Variants in OSBPL3 observed in about 807,000 individuals in gnomAD.
OSBPL3 encodes oxysterol binding protein like 3, also known as oxysterol-binding protein-related protein 3.
Under a neutral mutation model 120.1 loss-of-function variants are expected in OSBPL3, and 65 were observed. The observed-to-expected ratio is 0.54, with a 90% CI of 0.44 to 0.67. The LOEUF is 0.67. OSBPL3 is among the 30% of genes least tolerant of loss of function. The pLI is 0.00. For missense variants in OSBPL3, 1,004 were observed against 1,082.1 expected, an observed-to-expected ratio of 0.93 and a Z score of 1.01; for synonymous variants, 416 against 402.6, an observed-to-expected ratio of 1.03 and a Z score of -0.40.
At chr7:24,958,809 T>C (rs1815378015) in intron 1 of OSBPL3, among the ~76,000 whole-genome samples, 1 of 152,214 alleles carries the variant, frequency 6.6e-6, no homozygotes, top group Admixed American at 6.5e-5. Context: ...ACCAATATTG[T>C]AAATCTAGTG....
At position 24,891,357 on chromosome 7, in the gene OSBPL3, C is replaced by CA. The variant is rs1275846303; in HGVS notation, c.96+1019dup. Among the ~76,000 whole-genome samples, 1 of 152,122 alleles carries CA rather than the reference C, an allele frequency of 6.6e-6. No individual in the cohort carries two copies. The highest frequency in any genetic ancestry group is 6.5e-5 in the Admixed American group (1 of 15,278). On this transcript the variant is annotated intron_variant, in intron 2 of 22. Coordinates refer to ENST00000313367, the MANE Select transcript of OSBPL3 (RefSeq NM_015550.4). The surrounding 1 kb of genome is among the most constrained non-coding windows in gnomAD (Gnocchi z 4.1). ...CCTGGAATCACAGATTCATGGGTGG[C>CA]AAAGCTCCTTATCCCAGGCAACGCT... is the stretch of plus-strand genomic sequence containing the variant.
rs149411328 is a variant in OSBPL3, at chr7:24,901,536, C to T, written c.-149-8915G>A. ...ACCCATGCACCAGGCTCTTGCCAAA[C>T]ATTATAACTTTGAACTATGTACTGT... On this transcript the variant is annotated intron_variant, in intron 1 of 22. Coordinates refer to ENST00000313367, the MANE Select transcript of OSBPL3 (RefSeq NM_015550.4). Among the ~76,000 whole-genome samples, 469 of 152,324 alleles carry T rather than the reference C, an allele frequency of 3.1e-3. 1 individual carries two copies. The Middle Eastern group carries it at 0.041, about 13-fold the overall frequency.
intron 12 of OSBPL3, among the ~76,000 whole-genome samples, chr7:24,845,384 T>TAAAAAAAAAAAAAAAAAA (rs34559902): frequency 1.6e-4 from 10 of 62,262 alleles, no homozygotes; most frequent in African/African-American, 2.6e-4. Flanking sequence ...GCAAAATAAG[T>TAAAAAAAAAAAAAAAAAA]AAAAAAAAAA....
At chr7:24,812,425 A>G (rs1040740341) in intron 19 of OSBPL3, among the ~76,000 whole-genome samples, 6 of 151,718 alleles carry the variant, frequency 4.0e-5, no homozygotes, top group African/African-American at 1.5e-4. Flanking sequence ...GCAACCTTGC[A>G]CTCTATTCTG....
intron 2 of OSBPL3, among the ~76,000 whole-genome samples, chr7:24,890,572 C>T (rs141425012): frequency 1.5e-4 from 23 of 152,242 alleles, no homozygotes; most frequent in Admixed American, 5.9e-4. Context: ...AGAAAGCAGA[C>T]GGACCAAGAA....
rs759145659 is a variant in OSBPL3 at position 24,933,068 on chromosome 7, T to C, written c.-149-40447A>G. Among the ~76,000 whole-genome samples the C allele has an allele frequency of 2.0e-5, 3 of 152,154 alleles. No individual in the cohort carries two copies. The highest frequency in any genetic ancestry group is 2.9e-5 in the Non-Finnish European group (2 of 68,026). On this transcript the variant is annotated intron_variant, in intron 1 of 22. Transcript: ENST00000313367. This position sits in a 1 kb window ranked among gnomAD's most constrained non-coding sequence, Gnocchi z 5.1. ...AGAATGGAAGGGCTGCTGCCCAAAA[T>C]AGTTTAATAAGGCCAGCAGTGATTC...
chr7:24,890,390 T>C (rs1805167144), intron 2 of OSBPL3, among the ~76,000 whole-genome samples: 1 of 152,184 alleles, frequency 6.6e-6, no homozygotes, highest in African/African-American at 2.4e-5. Context: ...GGCTGTGCCC[T>C]AAGTGAGGAA....
intron 1 of OSBPL3, among the ~76,000 whole-genome samples, chr7:24,901,365 G>A (rs1044671795): frequency 1.4e-5 from 2 of 144,344 alleles, no homozygotes; most frequent in African/African-American, 2.5e-5. Flanking sequence ...AAAAAAAAAA[G>A]AGAGAGAGAG....
At chr7:24,951,763 G>C (rs1292871361) in intron 1 of OSBPL3, among the ~76,000 whole-genome samples, 1 of 152,288 alleles carries the variant, frequency 6.6e-6, no homozygotes, top group African/African-American at 2.4e-5. Flanking sequence ...GATCCTCATA[G>C]CTTGCAAGAA....
At chr7:24,842,139 T>A in intron 13 of OSBPL3, 140 bp downstream of exon 13, 1 of 833,158 alleles carries the variant, frequency 1.2e-6, no homozygotes, top group Non-Finnish European at 1.9e-6. Context: ...GTATGAGTTA[T>A]GGGAGAACTC....
At chr7:24,905,775 A>C (rs1344207990) in intron 1 of OSBPL3, among the ~76,000 whole-genome samples, 1 of 152,226 alleles carries the variant, frequency 6.6e-6, no homozygotes, top group African/African-American at 2.4e-5. Context: ...TCAGGCCTGT[A>C]ATCTCAGCAC....
chr7:24,892,287 G>A lies in OSBPL3; in HGVS notation c.96+90C>T, dbSNP rs538821954. 3.8e-5 allele frequency: 50 copies of A among 1,315,750 alleles called. No individual in the cohort carries two copies. In the East Asian group the frequency reaches 1.2e-3, roughly 31 times the overall value. 81.5% of individuals were successfully genotyped at this position (1,315,750 alleles called of 1,614,324 possible). Reference sequence around the variant, plus strand: ...AAAGTAAATGCTCTTAAACTGAGAAGTAGGCTTTCCCAAGTAAATGTGTGC... The same window carrying A: ...AAAGTAAATGCTCTTAAACTGAGAAATAGGCTTTCCCAAGTAAATGTGTGC... On this transcript the variant is annotated intron_variant, in intron 2 of 22. Transcript: ENST00000313367.
In OSBPL3 at chr7:24,980,129, G is replaced by T; in HGVS notation, c.-393C>A. 1 of 823,440 alleles carries T rather than the reference G, an allele frequency of 1.2e-6. No homozygotes were observed. Among genetic ancestry groups the T allele is most frequent in the Non-Finnish European group, 1.5e-6 (1 of 682,040 alleles). The allele number at this position is 823,440 out of a possible 1,614,324, so 51.0% of individuals were successfully genotyped here. Reference sequence around the variant, plus strand: ...AGTCCCCTCTCCCGGGCCGGCTGGCGGGCGCCACCAGCACGCGGCCAGTTC... The same window carrying T: ...AGTCCCCTCTCCCGGGCCGGCTGGCTGGCGCCACCAGCACGCGGCCAGTTC... On this transcript the variant is annotated 5_prime_UTR_variant, in exon 1 of 23. Coordinates refer to ENST00000313367, the MANE Select transcript of OSBPL3 (RefSeq NM_015550.4).
At position 24,918,177 on chromosome 7, in the gene OSBPL3, G is replaced by C. The variant is rs1377340703; in HGVS notation, c.-149-25556C>G. On this transcript the variant is annotated intron_variant, in intron 1 of 22. Coordinates refer to ENST00000313367, the MANE Select transcript of OSBPL3 (RefSeq NM_015550.4). The surrounding 1 kb of genome is among the most constrained non-coding windows in gnomAD (Gnocchi z 4.3). ...TGTTTACAGTTTCATGTACAGACCT[G>C]AGAGGTCAAGAGAGTCATGAGAAAC... 4 of 419,664 alleles carry C rather than the reference G, an allele frequency of 9.5e-6. No individual in the cohort carries two copies. The highest frequency in any genetic ancestry group is 1.6e-4 in the East Asian group (1 of 6,376). The allele number at this position is 419,664 out of a possible 1,614,324, so 26.0% of individuals were successfully genotyped here.
At chr7:24,942,224 T>A (rs1410554327) in intron 1 of OSBPL3, among the ~76,000 whole-genome samples, 1 of 152,020 alleles carries the variant, frequency 6.6e-6, no homozygotes, top group Non-Finnish European at 1.5e-5. Flanking sequence ...ATGAATTTCA[T>A]ACCATACGGA....
chr7:24,832,031 C>T (rs1024741286), intron 15 of OSBPL3, among the ~76,000 whole-genome samples: 1 of 151,868 alleles, frequency 6.6e-6, no homozygotes, highest in Non-Finnish European at 1.5e-5. Flanking sequence ...GGCGAAACCT[C>T]TTCTCTACAA....
In OSBPL3 at chr7:24,980,014, C is replaced by T; in HGVS notation, c.-278G>A. The stretch of plus-strand genomic sequence containing the variant: ...CGCAACGTGCAGCTGACAGCTCCCG[C>T]ACCGGCCGCAGGAGTCGGGGGCGGG... On this transcript the variant is annotated 5_prime_UTR_variant, in exon 1 of 23. Coordinates refer to ENST00000313367, the MANE Select transcript of OSBPL3 (RefSeq NM_015550.4). 1.0e-6 allele frequency: 1 copy of T among 985,496 alleles called. No homozygotes were observed. Among genetic ancestry groups the T allele is most frequent in the Non-Finnish European group, 1.2e-6 (1 of 830,018 alleles). The allele number at this position is 985,496 out of a possible 1,614,324, so 61.0% of individuals were successfully genotyped here. A position where few individuals can be genotyped will look rare whatever the true frequency, so the allele number is the denominator to read the frequency against.
intron 1 of OSBPL3, among the ~76,000 whole-genome samples, chr7:24,977,353 G>A (rs1181092697): frequency 6.6e-6 from 1 of 152,172 alleles, no homozygotes; most frequent in Non-Finnish European, 1.5e-5. Flanking sequence ...AAAGTTTACA[G>A]CCCAATCTCA....
intron 1 of OSBPL3, among the ~76,000 whole-genome samples, chr7:24,960,152 C>A (rs946127332): frequency 4.6e-5 from 7 of 152,078 alleles, no homozygotes; most frequent in African/African-American, 1.7e-4. Flanking sequence ...TATAACACTG[C>A]ACAACAGACA....
Sources: allele counts gnomAD v4.1 joint callset (sites outside exome capture counted in the v4.1 genomes callset), GRCh38; gene constraint gnomAD v4.1.1; non-coding constraint Gnocchi (gnomAD v3.1); transcripts MANE v1.5; gene names NCBI Gene and HGNC (gene_info 2026-07-23, HGNC 2026-07-21).